The following IMPG2 variants were observed in gnomAD, a reference collection of about 807,000 sequenced individuals.
IMPG2 encodes interphotoreceptor matrix proteoglycan 2, also known as IPM 200.
A neutral mutation model predicts 129.2 loss-of-function variants in IMPG2; 91 were observed. The ratio of observed to expected loss-of-function variants is 0.70; its 90% CI spans 0.59 to 0.84. The LOEUF (loss-of-function observed/expected upper bound fraction) is 0.84. Among genes scored for constraint, IMPG2 ranks in the 40% least tolerant of loss-of-function variants. The pLI, the probability that IMPG2 is intolerant of heterozygous loss-of-function variation, is 0.00. For missense variants in IMPG2, 1,430 were observed against 1,461.7 expected (o/e 0.98, Z 0.35); for synonymous variants, 510 against 517.7 (o/e 0.99, Z 0.20).
intron 8 of IMPG2, among the ~76,000 whole-genome samples, chr3:101,269,020 T>G (rs1706749933): frequency 6.6e-6 from 1 of 152,198 alleles, no homozygotes; most frequent in Non-Finnish European, 1.5e-5. Context: ...ATTCAGTAAA[T>G]GTTCACAAGT....
intron 9 of IMPG2, among the ~76,000 whole-genome samples, chr3:101,262,444 C>T (rs1192254299): frequency 6.6e-6 from 1 of 151,992 alleles, no homozygotes; most frequent in Non-Finnish European, 1.5e-5. Context: ...AATATAAGTA[C>T]ACCCAAAAGT....
Position 101,226,635 on chromosome 3 carries a change from C to T in IMPG2, c.*334G>A, listed in dbSNP as rs1389055813. On this transcript the variant is annotated 3_prime_UTR_variant, in exon 19 of 19. Coordinates refer to ENST00000193391, the MANE Select transcript of IMPG2 (RefSeq NM_016247.4). ...CTATTGAAAAACCCGAGGCACAGTT[C>T]TTAGGAGACACCCCCAGTGATTCAG... 1.7e-5 allele frequency: 5 copies of T among 289,718 alleles called. No individual in the cohort carries two copies. Among genetic ancestry groups the T allele is most frequent in the Non-Finnish European group, 2.6e-5 (4 of 156,320 alleles). 17.9% of individuals were successfully genotyped at this position (289,718 alleles called of 1,614,324 possible).
chr3:101,293,092 G>A (rs1440199287), intron 3 of IMPG2, among the ~76,000 whole-genome samples: 2 of 151,980 alleles, frequency 1.3e-5, no homozygotes. Context: ...ATTAATGTTG[G>A]TATTTTGATC....
chr3:101,231,020 A>T lies in IMPG2; in HGVS notation c.3359T>A (p.Ile1120Asn). Reference sequence around the variant, plus strand: ...TTGGAGAGTCCTGATGAAGAAGTAGATGATAGCAGAAAAGATGACAAGAAG... The same window carrying T: ...TTGGAGAGTCCTGATGAAGAAGTAGTTGATAGCAGAAAAGATGACAAGAAG... ...VGLLVIFSAI[I>N]YFFIRTLQAH... The change falls in exon 16 of 19, where the codon ATC becomes AAC. Residue 1120 changes from isoleucine to asparagine, a missense_variant. Physicochemically the swap from Ile to Asn is moderately radical, Grantham distance 149. Transcript: ENST00000193391. 6.2e-7 allele frequency: 1 copy of T among 1,614,124 alleles called. No homozygotes were observed. Among genetic ancestry groups the T allele is most frequent in the Non-Finnish European group, 8.5e-7 (1 of 1,179,966 alleles).
intron 3 of IMPG2, among the ~76,000 whole-genome samples, chr3:101,298,244 T>A (rs1707101719): frequency 6.6e-6 from 1 of 152,112 alleles, no homozygotes; most frequent in Non-Finnish European, 1.5e-5. Context: ...TTTCTTTCCA[T>A]TTGCTTGGTA....
In IMPG2 at chr3:101,223,801, A is replaced by T. The variant is rs1706190166; in HGVS notation, c.*3168T>A. On this transcript the variant is annotated 3_prime_UTR_variant, in exon 19 of 19. Transcript: ENST00000193391. ...AGATAATGCAGAAGAAGAAAACAGAAGGTGAGAATAAAATCAGGTAAAGCC... is the reference window on the plus strand; with the variant it reads ...AGATAATGCAGAAGAAGAAAACAGATGGTGAGAATAAAATCAGGTAAAGCC... 1 of 152,240 alleles carries T rather than the reference A, an allele frequency of 6.6e-6. No homozygotes were observed. The highest frequency in any genetic ancestry group is 2.1e-4 in the South Asian group (1 of 4,830). 9.4% of individuals were successfully genotyped at this position (152,240 alleles called of 1,614,324 possible). A position where few individuals can be genotyped will look rare whatever the true frequency, so the allele number is the denominator to read the frequency against.
Position 101,304,281 on chromosome 3 carries a change from C to T in IMPG2, c.366G>A (p.Arg122=), listed in dbSNP as rs778615819. 6.2e-7 allele frequency: 1 copy of T among 1,613,868 alleles called. No homozygotes were observed. ...GCCCAGGAAGTCGATCCCAAAAAGT[C>T]CTGAAGGCTTCCCAGACAGCTTCCT... ...VCQEAVWEAF[R]TFWDRLPGRE... Residue 122 remains arginine, a synonymous_variant, in exon 3 of 19, where the codon AGG becomes AGA. Coordinates refer to ENST00000193391, the MANE Select transcript of IMPG2 (RefSeq NM_016247.4).
intron 1 of IMPG2, among the ~76,000 whole-genome samples, 191 bp downstream of exon 1, chr3:101,320,097 C>T (rs1157296503): frequency 2.0e-5 from 3 of 151,788 alleles, no homozygotes; most frequent in Admixed American, 6.6e-5. Flanking sequence ...AGGTTTAAAC[C>T]AGAAATTACT....
rs183226725 is a variant in IMPG2 at position 101,224,669 on chromosome 3, G to A, written c.*2300C>T. 37 of 152,296 alleles carry A rather than the reference G, an allele frequency of 2.4e-4. No homozygotes were observed. Among genetic ancestry groups the A allele is most frequent in the Middle Eastern group, 6.8e-3 (2 of 294 alleles). 9.4% of individuals were successfully genotyped at this position (152,296 alleles called of 1,614,324 possible). A position where few individuals can be genotyped will look rare whatever the true frequency, so the allele number is the denominator to read the frequency against. ...GATGGATCTTTGCTGGGCAAACTGT[G>A]TTCTTCAACCTTTCAACAGTGGTTC... On this transcript the variant is annotated 3_prime_UTR_variant, in exon 19 of 19. Transcript: ENST00000193391.
At chr3:101,233,045 G>T in intron 14 of IMPG2, 54 bp from the exon 15 acceptor site, 3 of 1,521,162 alleles carry the variant, frequency 2.0e-6, no homozygotes, top group South Asian at 2.2e-5. Flanking sequence ...AGAAACTGGG[G>T]TATACAAAGC....
chr3:101,276,558 T>C lies in IMPG2; in HGVS notation c.583+106A>G, dbSNP rs1012348310. The C allele has an allele frequency of 4.0e-6, 3 of 749,478 alleles. No individual in the cohort carries two copies. In the African/African-American group the frequency reaches 5.3e-5, roughly 13 times the overall value. 46.4% of individuals were successfully genotyped at this position (749,478 alleles called of 1,614,324 possible). ...TGAAAAACGTATTAAAAAAGAGAAATCTGATATTTTTAAAAGGTAAGCTGC... is the reference window on the plus strand; with the variant it reads ...TGAAAAACGTATTAAAAAAGAGAAACCTGATATTTTTAAAAGGTAAGCTGC... On this transcript the variant is annotated intron_variant, in intron 5 of 18. Transcript: ENST00000193391.
intron 4 of IMPG2, among the ~76,000 whole-genome samples, chr3:101,288,673 AG>A (rs1706972397): frequency 6.6e-6 from 1 of 152,158 alleles, no homozygotes; most frequent in Non-Finnish European, 1.5e-5. Context: ...ATATAAACAT[AG>A]GAACAATAGA....
At chr3:101,308,874 C>G (rs183456200) in intron 2 of IMPG2, among the ~76,000 whole-genome samples, 1 of 152,162 alleles carries the variant, frequency 6.6e-6, no homozygotes, top group East Asian at 1.9e-4. Flanking sequence ...ATATATAAAT[C>G]TGAACACTTT....
chr3:101,282,305 ACT>A lies in IMPG2; in HGVS notation c.534-5594_534-5593del, dbSNP rs561629441. On this transcript the variant is annotated intron_variant, in intron 4 of 18. Transcript: ENST00000193391. ...ATTCTTAGGCCACTCCTATGGTATC[ACT>A]CCCAGTGTGAGCTAGCCCCATGTCA... Among the ~76,000 whole-genome samples the A allele has an allele frequency of 2.0e-5, 3 of 152,098 alleles. No homozygotes were observed. The South Asian group carries it at 6.2e-4, about 32-fold the overall frequency.
At chr3:101,273,780 TATTC>T (rs1344814259) in intron 6 of IMPG2, 38 bp from the exon 7 acceptor site, 2 of 1,579,324 alleles carry the variant, frequency 1.3e-6, no homozygotes, top group Non-Finnish European at 8.7e-7. Flanking sequence ...TGTCAAGGCT[TATTC>T]ATTCAATCAA....
At chr3:101,297,093 A>AG (rs1293085269) in intron 3 of IMPG2, among the ~76,000 whole-genome samples, 11 of 152,134 alleles carry the variant, frequency 7.2e-5, no homozygotes, top group Admixed American at 5.2e-4. Flanking sequence ...GTATTTTAGT[A>AG]GAGACAGGGT....
Position 101,229,443 on chromosome 3 carries a change from C to T in IMPG2, c.3570G>A (p.Val1190=), listed in dbSNP as rs1472583604. Residue 1190 remains valine (V), a synonymous_variant, in exon 17 of 19, where the codon GTG becomes GTA. Transcript: ENST00000193391. ...HPFYSSASGD[V]IGGLSREEIR... ...TTTCTTCTCTGCTCAGCCCACCAAT[C>T]ACGTCTCCGCTAGCAGAGCTGTAGA... The T allele has an allele frequency of 2.5e-6, 4 of 1,612,888 alleles. No individual in the cohort carries two copies. Among genetic ancestry groups the T allele is most frequent in the Non-Finnish European group, 3.4e-6 (4 of 1,179,980 alleles).
chr3:101,302,689 A>G (rs1274189848), intron 3 of IMPG2, among the ~76,000 whole-genome samples: 1 of 152,234 alleles, frequency 6.6e-6, no homozygotes, highest in South Asian at 2.1e-4. Flanking sequence ...ATGACATGGT[A>G]CATGGTAGAT....
At chr3:101,268,467 C>T (rs923937592) in intron 8 of IMPG2, among the ~76,000 whole-genome samples, 2 of 152,194 alleles carry the variant, frequency 1.3e-5, no homozygotes, top group Non-Finnish European at 2.9e-5. Context: ...AATATTTGGC[C>T]TCTTTCCACT....
Sources: allele counts gnomAD v4.1 joint callset (sites outside exome capture counted in the v4.1 genomes callset), GRCh38; gene constraint gnomAD v4.1.1; transcripts MANE v1.5; gene names NCBI Gene and HGNC (gene_info 2026-07-23, HGNC 2026-07-21).